UBR3: variants seen among roughly 807,000 people sequenced by gnomAD.
UBR3 encodes E3 ubiquitin-protein ligase UBR3.
A neutral mutation model predicts 243.2 loss-of-function variants in UBR3; 85 were observed. The observed-to-expected ratio is 0.35, with a 90% CI of 0.29 to 0.42. UBR3 has a LOEUF of 0.42. Ranked by LOEUF, UBR3 falls within the 10% of genes least tolerant of loss-of-function variation. The pLI, the probability that UBR3 is intolerant of heterozygous loss-of-function variation, is 1.00. For synonymous variants in UBR3, 748 were observed against 799.8 expected (o/e 0.94, Z 1.09); for missense variants, 1,686 against 2,300.8 (o/e 0.73, Z 5.47).
chr2:169,928,591 C>A (rs1213787233), intron 17 of UBR3, 136 bp from the exon 18 acceptor site: 2 of 532,694 alleles, frequency 3.8e-6, no homozygotes, highest in South Asian at 5.6e-5. Context: ...ATTATATAGC[C>A]CTCTTGTGGC....
Position 170,061,457 on chromosome 2 carries a change from G to T in UBR3, c.5019+14G>T, listed in dbSNP as rs769370883. 3.2e-6 allele frequency: 5 copies of T among 1,586,290 alleles called. No homozygotes were observed. In the Admixed American group the frequency reaches 9.1e-5, roughly 29 times the overall value. On this transcript the variant is annotated intron_variant, in intron 35 of 38. Coordinates refer to ENST00000272793, the MANE Select transcript of UBR3 (RefSeq NM_172070.4). ...CCTAGCTGCCAGGTAGATAATTTGG[G>T]ATATGTAAGAGGGAGCTTTTTTTTT...
chr2:169,942,478 GTTTTA>G lies in UBR3; in HGVS notation c.2664-10_2664-6del. On this transcript the variant is annotated splice_polypyrimidine_tract_variant and intron_variant, in intron 19 of 38. Transcript: ENST00000272793. ...GAGGCTATCATCTAATTCTAGTTTT[GTTTTA>G]TTTTTACAGTTTAAAACAGAGTGGA... 1 of 1,529,570 alleles carries G rather than the reference GTTTTA, an allele frequency of 6.5e-7. No individual in the cohort carries two copies. The highest frequency in any genetic ancestry group is 2.5e-5 in the East Asian group (1 of 40,652). 94.7% of individuals were successfully genotyped at this position (1,529,570 alleles called of 1,614,324 possible).
At chr2:170,057,983 A>G (rs192034686) in intron 33 of UBR3, among the ~76,000 whole-genome samples, 2 of 152,268 alleles carry the variant, frequency 1.3e-5, no homozygotes, top group African/African-American at 4.8e-5. Flanking sequence ...GTAATACACT[A>G]TTTTATGTTA....
At position 169,898,788 on chromosome 2, in the gene UBR3, G is replaced by A. The variant is rs1455138406; in HGVS notation, c.1465+2053G>A. 2.1e-5 allele frequency among the ~76,000 whole-genome samples: 3 copies of A among 145,144 alleles called. No homozygotes were observed. In the Admixed American group the frequency reaches 2.2e-4, roughly 11 times the overall value. Reference sequence around the variant, plus strand: ...GCGATCTCAGCTCACTGCAAGCTCTGCCTCCCAGGTTCACGCCATTCTCCT... The same window carrying A: ...GCGATCTCAGCTCACTGCAAGCTCTACCTCCCAGGTTCACGCCATTCTCCT... On this transcript the variant is annotated intron_variant, in intron 8 of 38. Transcript: ENST00000272793.
rs544154880 is a variant in UBR3 at position 170,029,425 on chromosome 2, C to G, written c.4533C>G (p.Thr1511=). Residue 1511 remains threonine (T), a synonymous_variant, in exon 31 of 39, where the codon ACC becomes ACG. Transcript: ENST00000272793. Reference sequence around the variant, plus strand: ...AGTATAATCCCTGGAGAAAGCTCACCCAGTTAGAAGAGATGAATCCACAGT... The same window carrying G: ...AGTATAATCCCTGGAGAAAGCTCACGCAGTTAGAAGAGATGAATCCACAGT... ...DSEYNPWRKL[T]QLEEMNPQLG... 1 of 1,610,596 alleles carries G rather than the reference C, an allele frequency of 6.2e-7. No individual in the cohort carries two copies. Among genetic ancestry groups the G allele is most frequent in the South Asian group, 1.1e-5 (1 of 90,732 alleles).
Position 169,924,166 on chromosome 2 carries a change from A to G in UBR3, c.2015A>G (p.Gln672Arg), listed in dbSNP as rs1356061266. The change falls in exon 13 of 39, where the codon CAA becomes CGA. Residue 672 changes from glutamine to arginine, a missense_variant. Coordinates refer to ENST00000272793, the MANE Select transcript of UBR3 (RefSeq NM_172070.4). ...ATGAAACTAATGATTCACCCACTCCAAATTCAAGTATGTATTCAGGCATTT... is the reference window on the plus strand; with the variant it reads ...ATGAAACTAATGATTCACCCACTCCGAATTCAAGTATGTATTCAGGCATTT... ...MLMKLMIHPL[Q>R]IQASLAEIHS... The G allele has an allele frequency of 1.3e-6, 2 of 1,543,684 alleles. No individual in the cohort carries two copies. Among genetic ancestry groups the G allele is most frequent in the Admixed American group, 4.0e-5 (2 of 49,506 alleles).
intron 18 of UBR3, among the ~76,000 whole-genome samples, chr2:169,930,934 A>T (rs1434516217): frequency 2.6e-5 from 4 of 152,172 alleles, no homozygotes; most frequent in Admixed American, 2.0e-4. Flanking sequence ...ATTCAGCTCC[A>T]TGGAACACTG....
chr2:169,916,247 T>C (rs2085460456), intron 11 of UBR3, among the ~76,000 whole-genome samples: 1 of 152,196 alleles, frequency 6.6e-6, no homozygotes, highest in Non-Finnish European at 1.5e-5. Context: ...TTTAACACTG[T>C]AGGAGTTATT....
At chr2:169,902,049 TTG>T (rs561735880) in intron 8 of UBR3, among the ~76,000 whole-genome samples, 1 of 152,166 alleles carries the variant, frequency 6.6e-6, no homozygotes, top group African/African-American at 2.4e-5. Flanking sequence ...TTACATTATC[TTG>T]TGTGTGTGTG....
chr2:170,017,479 T>G (rs2105412634), intron 30 of UBR3, among the ~76,000 whole-genome samples: 1 of 151,466 alleles, frequency 6.6e-6, no homozygotes, highest in East Asian at 1.9e-4. Context: ...TTTTAATAAA[T>G]TTTGTCTAGA....
chr2:169,947,439 G>A (rs2086827840), intron 21 of UBR3, 103 bp from the exon 22 acceptor site: 1 of 864,012 alleles, frequency 1.2e-6, no homozygotes, highest in African/African-American at 1.8e-5. Context: ...AGGGATTCAG[G>A]ATTATGATAG....
At chr2:169,895,525 G>A (rs1032957436) in intron 7 of UBR3, among the ~76,000 whole-genome samples, 10 of 152,226 alleles carry the variant, frequency 6.6e-5, no homozygotes, top group African/African-American at 2.4e-4. Context: ...CCAAAGGATT[G>A]CTTTTCTGCA....
At chr2:170,013,961 G>T (rs1023197230) in intron 29 of UBR3, 1 of 466,644 alleles carries the variant, frequency 2.1e-6, no homozygotes, top group Non-Finnish European at 4.5e-6. Context: ...CCTTGTCCCT[G>T]CTTCCTTGCT....
intron 1 of UBR3, among the ~76,000 whole-genome samples, chr2:169,842,596 G>A (rs1035461192): frequency 1.3e-5 from 2 of 151,970 alleles, no homozygotes; most frequent in African/African-American, 4.8e-5. Flanking sequence ...TGAGCCCAGC[G>A]AGACCACGAG....
At chr2:170,066,342 C>CAGAA (rs1559231583) in intron 35 of UBR3, among the ~76,000 whole-genome samples, 18 of 152,288 alleles carry the variant, frequency 1.2e-4, no homozygotes, top group African/African-American at 4.3e-4. Context: ...TATCTTTTCT[C>CAGAA]TCTTCTTAAA....
chr2:170,076,133 C>T (rs1381232651), intron 36 of UBR3, among the ~76,000 whole-genome samples: 2 of 152,162 alleles, frequency 1.3e-5, no homozygotes, highest in Non-Finnish European at 2.9e-5. Flanking sequence ...GTTGGCCTAA[C>T]TGTTGTAATA....
At chr2:169,950,339 T>G (rs2086965727) in intron 23 of UBR3, among the ~76,000 whole-genome samples, 1 of 152,118 alleles carries the variant, frequency 6.6e-6, no homozygotes, top group Non-Finnish European at 1.5e-5. Context: ...TTTATTGCTG[T>G]AGGGATCTAA....
chr2:170,069,340 A>G (rs1176834284), intron 35 of UBR3, among the ~76,000 whole-genome samples: 7 of 152,098 alleles, frequency 4.6e-5, no homozygotes, highest in Admixed American at 4.6e-4. Context: ...AAAATTATAT[A>G]TATAGTATAC....
At chr2:169,860,171 A>G (rs2083040300) in intron 1 of UBR3, among the ~76,000 whole-genome samples, 1 of 151,634 alleles carries the variant, frequency 6.6e-6, no homozygotes, top group African/African-American at 2.4e-5. Context: ...ATGTCTGTTA[A>G]TTTTCTGCTG....
Sources: allele counts gnomAD v4.1 joint callset (sites outside exome capture counted in the v4.1 genomes callset), GRCh38; gene constraint gnomAD v4.1.1; transcripts MANE v1.5; gene names NCBI Gene and HGNC (gene_info 2026-07-23, HGNC 2026-07-21).